Variants in BCAN observed in about 807,000 individuals in gnomAD.
The protein encoded by BCAN is brevican.
A neutral mutation model predicts 92.4 loss-of-function variants in BCAN; 51 were observed. The ratio of observed to expected loss-of-function variants is 0.55; its 90% CI spans 0.44 to 0.70. The LOEUF (loss-of-function observed/expected upper bound fraction) is 0.70. Ranked by LOEUF, BCAN falls within the 30% of genes least tolerant of loss-of-function variation. The probability of loss-of-function intolerance (pLI) is 0.00; values close to 1 mark genes in which losing one functional copy is unlikely to be tolerated. For synonymous variants in BCAN, 501 were observed against 505.2 expected, an observed-to-expected ratio of 0.99 and a Z score of 0.11; for missense variants, 1,140 against 1,212.1, an observed-to-expected ratio of 0.94 and a Z score of 0.88.
chr1:156,645,421 T>C (rs1678930130), intron 1 of BCAN, among the ~76,000 whole-genome samples: 1 of 151,836 alleles, frequency 6.6e-6, no homozygotes, highest in Non-Finnish European at 1.5e-5. Context: ...TTACAAATAA[T>C]GGTGGGGAGG....
At position 156,657,084 on chromosome 1, in the gene BCAN, G is replaced by A; in HGVS notation, c.2197G>A (p.Asp733Asn). 1 of 1,613,156 alleles carries A rather than the reference G, an allele frequency of 6.2e-7. No individual in the cohort carries two copies. Among genetic ancestry groups the A allele is most frequent in the Non-Finnish European group, 8.5e-7 (1 of 1,179,246 alleles). Reference protein sequence around the residue: ...LASISTPEEQDFINNRYREYQ... With the variant: ...LASISTPEEQNFINNRYREYQ... Reference sequence around the variant, plus strand: ...CAGCATCAGCACACCCGAGGAACAGGACTTCATCAACAGTGGGCTGGGAGA... The same window carrying A: ...CAGCATCAGCACACCCGAGGAACAGAACTTCATCAACAGTGGGCTGGGAGA... Residue 733 changes from aspartate to asparagine, a missense_variant, in exon 10 of 14, where the codon GAC (aspartate) becomes AAC (asparagine). Asp to Asn is a conservative substitution (Grantham distance 23, BLOSUM62 1). Coordinates refer to ENST00000329117, the MANE Select transcript of BCAN (RefSeq NM_021948.5).
intron 8 of BCAN, chr1:156,653,600 C>T: frequency 1.4e-5 from 13 of 941,782 alleles, no homozygotes; most frequent in Non-Finnish European, 1.5e-5. Context: ...TGTGTCTTGG[C>T]CTCTCTTCCT....
intron 6 of BCAN, among the ~76,000 whole-genome samples, chr1:156,650,194 ATGATTGTG>A (rs1679116597): frequency 1.3e-5 from 2 of 152,126 alleles, no homozygotes; most frequent in South Asian, 4.1e-4. Flanking sequence ...TGTGCTGGCT[ATGATTGTG>A]TGCCAAGCCA....
intron 8 of BCAN, chr1:156,653,615 C>T: frequency 2.2e-6 from 2 of 912,748 alleles, no homozygotes; most frequent in Non-Finnish European, 2.6e-6. Flanking sequence ...CTTCCTTTTT[C>T]ATTTTCGGCT....
At chr1:156,651,918 C>A (rs1253554481) in intron 7 of BCAN, among the ~76,000 whole-genome samples, 1 of 152,172 alleles carries the variant, frequency 6.6e-6, no homozygotes, top group African/African-American at 2.4e-5. Flanking sequence ...AGGAGCTGCG[C>A]CCTGGAAAGG....
In BCAN at chr1:156,646,685, G is replaced by T. The variant is rs559333260; in HGVS notation, c.92-116G>T. On this transcript the variant is annotated intron_variant, in intron 2 of 13. Transcript: ENST00000329117. ...CTGGCCCCTGGCCCCTGGTCCTAGG[G>T]GGGCCGGGGAATCCTGGGGCCGGAA... The T allele has an allele frequency of 1.3e-5, 19 of 1,453,704 alleles. No individual in the cohort carries two copies. The East Asian group carries it at 4.7e-4, about 36-fold the overall frequency. 90.1% of individuals were successfully genotyped at this position (1,453,704 alleles called of 1,614,324 possible).
At position 156,657,736 on chromosome 1, in the gene BCAN, G is replaced by A. The variant is rs999113752; in HGVS notation, c.2271G>A (p.Leu757=). 1 of 1,612,416 alleles carries A rather than the reference G, an allele frequency of 6.2e-7. No individual in the cohort carries two copies. Among genetic ancestry groups the A allele is most frequent in the East Asian group, 2.2e-5 (1 of 44,828 alleles). ...ACAGGACCATCGAAGGCGACTTCTT[G>A]TGGTCGGATGGCGTCCCCCTGGTGA... ...LNDRTIEGDF[L]WSDGVPLLYE... is the part of the protein sequence containing the mutation. The change falls in exon 11 of 14, where the codon TTG becomes TTA. Residue 757 remains leucine (L), a synonymous_variant. Transcript: ENST00000329117.
At chr1:156,650,718 A>C (rs962480099) in intron 6 of BCAN, among the ~76,000 whole-genome samples, 5 of 152,156 alleles carry the variant, frequency 3.3e-5, no homozygotes, top group African/African-American at 1.2e-4. Flanking sequence ...TGGGAGGCCA[A>C]GACCACTTGA....
chr1:156,645,391 G>T (rs1571436644), intron 1 of BCAN, among the ~76,000 whole-genome samples: 1 of 152,196 alleles, frequency 6.6e-6, no homozygotes, highest in Non-Finnish European at 1.5e-5. Flanking sequence ...GAATGTTGGG[G>T]AGTAAAGAGA....
rs1318421544 is a variant in BCAN, at chr1:156,652,835, C to A, written c.1885C>A (p.Pro629Thr). 6.2e-7 allele frequency: 1 copy of A among 1,613,884 alleles called. No homozygotes were observed. The highest frequency in any genetic ancestry group is 8.5e-7 in the Non-Finnish European group (1 of 1,180,004). The change falls in exon 8 of 14, where the codon CCA becomes ACA. Residue 629 changes from proline (P) to threonine (T), a missense_variant. This residue lies in a region of BCAN where 825 missense variants were observed against 871.8 expected (regional missense o/e 0.95). Transcript: ENST00000329117. ...APAGTSVQAQPVLPTDSASRG... is the reference protein window; with the variant it reads ...APAGTSVQAQTVLPTDSASRG... ...AGCAGGGACCTCAGTGCAGGCCCAGCCAGTGCTGCCCACTGACAGCGCCAG... is the reference window on the plus strand; with the variant it reads ...AGCAGGGACCTCAGTGCAGGCCCAGACAGTGCTGCCCACTGACAGCGCCAG...
intron 6 of BCAN, among the ~76,000 whole-genome samples, chr1:156,650,394 T>G (rs114048552): frequency 0.044 from 6,625 of 152,270 alleles, 513 homozygotes; most frequent in African/African-American, 0.15. Context: ...CTTGCCTGGC[T>G]GAGCACAGAC....
rs1276560041 is a variant in BCAN, at chr1:156,642,739, T to G, written c.-9+464T>G. ...CGGCAGGACAGCCGATCAGAGCCGC[T>G]CTAGGGGGTGGTCGGAGTGCCCATT... On this transcript the variant is annotated intron_variant, in intron 1 of 13. Coordinates refer to ENST00000329117, the MANE Select transcript of BCAN (RefSeq NM_021948.5). This position sits in a 1 kb window ranked among gnomAD's most constrained non-coding sequence, Gnocchi z 4.2. 6.6e-6 allele frequency: 1 copy of G among 152,224 alleles called. No homozygotes were observed. Among genetic ancestry groups the G allele is most frequent in the Non-Finnish European group, 1.5e-5 (1 of 68,068 alleles). The allele number at this position is 152,224 out of a possible 1,614,324, so 9.4% of individuals were successfully genotyped here.
Position 156,652,512 on chromosome 1 carries a change from C to T in BCAN, c.1562C>T (p.Pro521Leu), listed in dbSNP as rs1376989774. The change falls in exon 8 of 14, where the codon CCA (proline) becomes CTA (leucine). Residue 521 changes from proline (P) to leucine (L), a missense_variant. Around this residue, in one of 3 missense-constraint regions of BCAN, gnomAD observed 825 missense variants for 871.8 expected, o/e 0.95. Transcript: ENST00000329117. ...ARAVLQPGAS[P>L]LPDGESEASR... ...GCAGTCCTGCAGCCTGGTGCATCAC[C>T]ACTTCCTGATGGAGAGTCAGAAGCT... is the stretch of plus-strand genomic sequence containing the variant. The T allele has an allele frequency of 1.2e-6, 2 of 1,611,524 alleles. No homozygotes were observed. Among genetic ancestry groups the T allele is most frequent in the African/African-American group, 1.3e-5 (1 of 74,972 alleles).
intron 6 of BCAN, 94 bp from the exon 7 acceptor site, chr1:156,651,362 T>G: frequency 3.5e-6 from 4 of 1,155,648 alleles, no homozygotes; most frequent in Non-Finnish European, 5.0e-6. Flanking sequence ...AGGGAAGATG[T>G]GAGAGAATTG....
intron 9 of BCAN, chr1:156,656,735 G>C (rs1466704952): frequency 3.0e-6 from 2 of 673,144 alleles, no homozygotes; most frequent in East Asian, 2.8e-5. Context: ...CTGTCTCTTA[G>C]AAAAGGCACC....
chr1:156,649,929 GAC>G (rs1251158696), intron 6 of BCAN: 2 of 518,882 alleles, frequency 3.9e-6, no homozygotes, highest in Admixed American at 3.9e-5. Context: ...GAAGGATGAA[GAC>G]ACAGCTTTTG....
intron 2 of BCAN, 28 bp downstream of exon 2, chr1:156,646,173 C>T: frequency 6.2e-7 from 1 of 1,603,656 alleles, no homozygotes; most frequent in Non-Finnish European, 8.5e-7. Context: ...GGGTCACCGT[C>T]TCTGTCTTGT....
intron 10 of BCAN, 87 bp downstream of exon 10, chr1:156,657,183 G>A: frequency 6.6e-7 from 1 of 1,506,012 alleles, no homozygotes. Context: ...ATTAACCCAT[G>A]CACTTATTCC....
intron 6 of BCAN, among the ~76,000 whole-genome samples, chr1:156,650,394 T>C (rs114048552): frequency 6.6e-6 from 1 of 152,168 alleles, no homozygotes; most frequent in Admixed American, 6.5e-5. Context: ...CTTGCCTGGC[T>C]GAGCACAGAC....
Sources: allele counts gnomAD v4.1 joint callset (sites outside exome capture counted in the v4.1 genomes callset), GRCh38; gene constraint gnomAD v4.1.1; regional missense constraint gnomAD v4.1.1; non-coding constraint Gnocchi (gnomAD v3.1); transcripts MANE v1.5; gene names NCBI Gene and HGNC (gene_info 2026-07-23, HGNC 2026-07-21).